PAAF1: variants seen among roughly 807,000 people sequenced by gnomAD.
PAAF1 encodes proteasomal ATPase associated factor 1, also known as proteasomal ATPase-associated factor 1.
PAAF1 carries 46 observed loss-of-function variants against 52.8 expected under a neutral mutation model. That is an observed-to-expected ratio of 0.87 (90% CI 0.69 to 1.11). The LOEUF is 1.11. PAAF1 is among the 50% of genes most tolerant of loss of function. PAAF1 has a pLI of 0.00. For missense variants in PAAF1, 424 were observed against 477.4 expected (o/e 0.89, Z 1.04); for synonymous variants, 178 against 172.8 (o/e 1.03, Z -0.24).
rs1950451545 is a variant in PAAF1, at chr11:73,931,037, C to T, written c.*3675C>T. The T allele has an allele frequency of 6.6e-6, 1 of 151,964 alleles. No individual in the cohort carries two copies. Among genetic ancestry groups the T allele is most frequent in the African/African-American group, 2.4e-5 (1 of 41,378 alleles). The allele number at this position is 151,964 out of a possible 1,614,324, so 9.4% of individuals were successfully genotyped here. A position where few individuals can be genotyped will look rare whatever the true frequency, so the allele number is the denominator to read the frequency against. On this transcript the variant is annotated 3_prime_UTR_variant, in exon 12 of 12. Coordinates refer to ENST00000310571, the MANE Select transcript of PAAF1 (RefSeq NM_025155.3). ...ATTATTCCATATTGTATTTATAAGT[C>T]ACAATAGGACTTTGTGGCCCATAAT...
At chr11:73,903,926 A>T (rs1202052363) in intron 6 of PAAF1, among the ~76,000 whole-genome samples, 1 of 151,630 alleles carries the variant, frequency 6.6e-6, no homozygotes, top group Non-Finnish European at 1.5e-5. Flanking sequence ...TCTACAAAAA[A>T]TACAAAAATT....
At chr11:73,908,218 AAT>A (rs996896692) in intron 6 of PAAF1, among the ~76,000 whole-genome samples, 73 of 149,526 alleles carry the variant, frequency 4.9e-4, no homozygotes, top group African/African-American at 1.5e-3. Context: ...TATGTAAATA[AAT>A]ATATATATAT....
At chr11:73,896,951 C>G (rs183037052) in intron 4 of PAAF1, among the ~76,000 whole-genome samples, 67,399 of 136,420 alleles carry the variant, frequency 0.49, 17,821 homozygotes, top group African/African-American at 0.7. Flanking sequence ...CCTCCCTCCC[C>G]GACGGGGCGG....
intron 6 of PAAF1, among the ~76,000 whole-genome samples, chr11:73,908,355 ATGTG>A (rs746823899): frequency 6.9e-6 from 1 of 143,972 alleles, no homozygotes; most frequent in South Asian, 2.3e-4. Context: ...ATGTGTATAT[ATGTG>A]TGTATATATA....
rs369047733 is a variant in PAAF1, at chr11:73,909,486, G to A, written c.620G>A (p.Arg207His). 5.3e-5 allele frequency: 86 copies of A among 1,614,064 alleles called. No individual in the cohort carries two copies. The highest frequency in any genetic ancestry group is 4.5e-4 in the East Asian group (20 of 44,896). ...DGTARLWDCG[R>H]SACLGVLADC... is the part of the protein sequence containing the mutation. ...ACAGCACGACTTTGGGATTGTGGGC[G>A]CTCAGCCTGCTTGGGAGTCCTTGCA... The change falls in exon 7 of 12, where the codon CGC becomes CAC. Residue 207 changes from arginine (R) to histidine (H), a missense_variant. Transcript: ENST00000310571.
chr11:73,924,575 G>T, intron 10 of PAAF1, 40 bp from the exon 11 acceptor site: 1 of 1,533,184 alleles, frequency 6.5e-7, no homozygotes, highest in Non-Finnish European at 9.0e-7. Flanking sequence ...TCTGGATGCA[G>T]TTTTCTCTTA....
At chr11:73,923,407 CA>C (rs962771532) in intron 10 of PAAF1, among the ~76,000 whole-genome samples, 3 of 151,884 alleles carry the variant, frequency 2.0e-5, no homozygotes, top group African/African-American at 4.8e-5. Flanking sequence ...AAAATAGGCA[CA>C]AAAAAATAGA....
intron 6 of PAAF1, among the ~76,000 whole-genome samples, chr11:73,906,973 T>C (rs984503055): frequency 1.3e-5 from 2 of 152,238 alleles, no homozygotes; most frequent in Admixed American, 6.5e-5. Flanking sequence ...TGGATCACCA[T>C]AGGGTTGCAC....
chr11:73,901,780 G>A (rs928737342), intron 6 of PAAF1, among the ~76,000 whole-genome samples: 25 of 151,966 alleles, frequency 1.6e-4, no homozygotes, highest in African/African-American at 5.6e-4. Context: ...ATATTGGTCA[G>A]GCTGGTCTCA....
In PAAF1 at chr11:73,907,062, C is replaced by T. The variant is rs1451016921; in HGVS notation, c.533-2337C>T. ...ATGTCTTTTTTTTTCCAGATATATT[C>T]TGTTTGTGTATTTTTTCTCTTTTTT... On this transcript the variant is annotated intron_variant, in intron 6 of 11. Transcript: ENST00000310571. Among the ~76,000 whole-genome samples the T allele has an allele frequency of 2.6e-5, 4 of 151,116 alleles. No homozygotes were observed. The East Asian group carries it at 7.7e-4, about 29-fold the overall frequency.
chr11:73,924,368 C>T (rs1950299319), intron 10 of PAAF1, among the ~76,000 whole-genome samples: 1 of 152,044 alleles, frequency 6.6e-6, no homozygotes, highest in Admixed American at 6.6e-5. Context: ...ATTGCTTGAA[C>T]CTGGGAGGTG....
chr11:73,899,802 G>A (rs994791488), intron 5 of PAAF1, among the ~76,000 whole-genome samples: 3 of 152,168 alleles, frequency 2.0e-5, no homozygotes, highest in African/African-American at 4.8e-5. Context: ...GACCAGTGAA[G>A]GTCTAAGTGG....
chr11:73,891,568 G>T (rs1001664857), intron 4 of PAAF1, among the ~76,000 whole-genome samples: 1 of 152,152 alleles, frequency 6.6e-6, no homozygotes, highest in Non-Finnish European at 1.5e-5. Flanking sequence ...TTGAGGCCAA[G>T]AGTTTGAGAC....
intron 6 of PAAF1, among the ~76,000 whole-genome samples, chr11:73,901,285 T>G (rs1025500558): frequency 2.0e-5 from 3 of 152,190 alleles, no homozygotes; most frequent in African/African-American, 7.2e-5. Flanking sequence ...TATCAGATTA[T>G]AGATATACAG....
chr11:73,919,105 A>T, intron 10 of PAAF1, 73 bp downstream of exon 10: 1 of 1,374,092 alleles, frequency 7.3e-7, no homozygotes, highest in South Asian at 1.2e-5. Flanking sequence ...TAAGTGTCTG[A>T]TCTATGGCTG....
intron 10 of PAAF1, chr11:73,922,124 A>C (rs1950235129): frequency 1.1e-6 from 1 of 922,458 alleles, no homozygotes; most frequent in Non-Finnish European, 1.7e-6. Context: ...GACTTCTGAT[A>C]GGTAACAGTG....
chr11:73,876,936 G>C (rs1451293792), upstream of PAAF1: 3 of 1,345,788 alleles, frequency 2.2e-6, no homozygotes, highest in Non-Finnish European at 2.9e-6. Flanking sequence ...TTGGTGTTGA[G>C]CCCACCTCTG....
chr11:73,885,645 C>T (rs1316314425), intron 2 of PAAF1, among the ~76,000 whole-genome samples: 2 of 151,086 alleles, frequency 1.3e-5, no homozygotes, highest in African/African-American at 2.4e-5. Context: ...AGCTCAAGAC[C>T]AGCCTGGCCA....
intron 6 of PAAF1, among the ~76,000 whole-genome samples, chr11:73,902,850 C>T (rs530869114): frequency 6.6e-6 from 1 of 152,310 alleles, no homozygotes; most frequent in East Asian, 1.9e-4. Flanking sequence ...GCATGCGCCA[C>T]CATGCCCGGC....
Sources: allele counts gnomAD v4.1 joint callset (sites outside exome capture counted in the v4.1 genomes callset), GRCh38; gene constraint gnomAD v4.1.1; transcripts MANE v1.5; gene names NCBI Gene and HGNC (gene_info 2026-07-23, HGNC 2026-07-21).